EYS: variants seen among roughly 807,000 people sequenced by gnomAD.
EYS encodes EGF-like photoreceptor maintenance factor.
A neutral mutation model predicts 282.1 loss-of-function variants in EYS; 250 were observed. The ratio of observed to expected loss-of-function variants is 0.89; its 90% confidence interval spans 0.80 to 0.98. The LOEUF is 0.98. Ranked by LOEUF, EYS falls within the 50% of genes least tolerant of loss-of-function variation. The pLI, the probability that EYS is intolerant of heterozygous loss-of-function variation, is 0.00. For synonymous variants in EYS, 1,355 were observed against 1,282.9 expected (o/e 1.06, Z -1.20); for missense variants, 4,016 against 3,709.0 (o/e 1.08, Z -2.15).
At chr6:64,979,944 G>A (rs756756724) in intron 14 of EYS, among the ~76,000 whole-genome samples, 3 of 151,214 alleles carry the variant, frequency 2.0e-5, no homozygotes, top group Non-Finnish European at 4.4e-5. Flanking sequence ...CATTATTCTG[G>A]GATGTCACCA....
At chr6:65,444,075 G>A (rs1768557753) in intron 5 of EYS, among the ~76,000 whole-genome samples, 1 of 151,924 alleles carries the variant, frequency 6.6e-6, no homozygotes. Context: ...AAAGACTGCA[G>A]TTTTATTAGA....
intron 24 of EYS, among the ~76,000 whole-genome samples, chr6:64,606,859 A>G (rs1239697907): frequency 2.6e-5 from 4 of 152,076 alleles, no homozygotes; most frequent in Non-Finnish European, 4.4e-5. Context: ...TCATACAAGG[A>G]CACCATCTAA....
At chr6:63,863,630 A>G (rs1412528727) in intron 36 of EYS, among the ~76,000 whole-genome samples, 2 of 143,862 alleles carry the variant, frequency 1.4e-5, no homozygotes, top group Non-Finnish European at 3.0e-5. Context: ...GGGAAAACTC[A>G]TTACCACTTT....
chr6:63,842,110 C>T (rs1771976730), intron 36 of EYS, among the ~76,000 whole-genome samples: 1 of 152,136 alleles, frequency 6.6e-6, no homozygotes, highest in Non-Finnish European at 1.5e-5. Flanking sequence ...ATTTATCATC[C>T]TTTGGGTATA....
At chr6:65,676,402 T>C (rs1768598149) in intron 1 of EYS, among the ~76,000 whole-genome samples, 1 of 151,648 alleles carries the variant, frequency 6.6e-6, no homozygotes, top group South Asian at 2.1e-4. Context: ...GCCACAGAAA[T>C]TAAGATTATA....
intron 8 of EYS, among the ~76,000 whole-genome samples, chr6:65,372,134 T>G (rs995823534): frequency 6.6e-6 from 1 of 151,552 alleles, no homozygotes; most frequent in Non-Finnish European, 1.5e-5. Context: ...ATAGGAGATT[T>G]AAAAAAAATA....
chr6:65,292,632 A>G (rs1768557449), intron 12 of EYS, among the ~76,000 whole-genome samples: 1 of 151,778 alleles, frequency 6.6e-6, no homozygotes, highest in Admixed American at 6.6e-5. Flanking sequence ...AAATGAAATT[A>G]TAACCTGAAG....
intron 31 of EYS, among the ~76,000 whole-genome samples, chr6:64,165,664 G>T (rs1764267167): frequency 6.6e-6 from 1 of 152,094 alleles, no homozygotes. Context: ...GTATTGGCAA[G>T]GGACTTGAAC....
intron 29 of EYS, among the ~76,000 whole-genome samples, chr6:64,376,987 A>G (rs989939315): frequency 1.3e-5 from 2 of 152,130 alleles, no homozygotes; most frequent in Non-Finnish European, 2.9e-5. Flanking sequence ...GAATATTTTC[A>G]TTAATGCATA....
chr6:65,090,235 T>C (rs1774516862), intron 12 of EYS, among the ~76,000 whole-genome samples: 1 of 152,070 alleles, frequency 6.6e-6, no homozygotes. Context: ...CCCCTTGCAA[T>C]TGTCATGATA....
At chr6:65,498,808 G>A (rs1162612094) in intron 2 of EYS, among the ~76,000 whole-genome samples, 3 of 151,950 alleles carry the variant, frequency 2.0e-5, no homozygotes, top group Non-Finnish European at 4.4e-5. Flanking sequence ...CCAAAGGTAT[G>A]ATGTTATGTG....
intron 22 of EYS, among the ~76,000 whole-genome samples, chr6:64,691,479 C>G (rs79217447): frequency 0.029 from 4,343 of 152,228 alleles, 124 homozygotes; most frequent in East Asian, 0.14. Flanking sequence ...GCAACAGAAA[C>G]AGTTTGGAAA....
intron 15 of EYS, among the ~76,000 whole-genome samples, chr6:64,913,819 T>C (rs1768078982): frequency 1.3e-5 from 2 of 152,162 alleles, no homozygotes; most frequent in Admixed American, 1.3e-4. Context: ...TTTAGTTCTT[T>C]GAGAAATCTC....
intron 33 of EYS, among the ~76,000 whole-genome samples, chr6:64,005,155 TTCTGA>T (rs1428801787): frequency 6.6e-6 from 1 of 152,194 alleles, no homozygotes; most frequent in African/African-American, 2.4e-5. Context: ...ATAATAGCCA[TTCTGA>T]CTAGTGTGAG....
Position 64,591,169 on chromosome 6 carries a change from G to C in EYS, c.4698C>G (p.Ser1566=). The C allele has an allele frequency of 6.4e-7, 1 of 1,551,292 alleles. No individual in the cohort carries two copies. The highest frequency in any genetic ancestry group is 2.0e-5 in the Admixed American group (1 of 50,956). The change falls in exon 26 of 43, where the codon TCC becomes TCG. Residue 1566 remains serine (S), a synonymous_variant. Coordinates refer to ENST00000503581, the MANE Select transcript of EYS (RefSeq NM_001142800.2). The part of the protein sequence containing the change: ...CATCSMTEIK[S]SREFSDQVLH... ...AAACTTGATCTGAGAATTCACGAGA[G>C]GATTTTATTTCAGTCATAGAACATG...
At chr6:64,117,053 A>G (rs1773409096) in intron 31 of EYS, among the ~76,000 whole-genome samples, 1 of 152,102 alleles carries the variant, frequency 6.6e-6, no homozygotes, top group Non-Finnish European at 1.5e-5. Context: ...TTGAATTACA[A>G]TTTAGACCAA....
At chr6:64,158,206 T>G (rs1375755487) in intron 31 of EYS, among the ~76,000 whole-genome samples, 1 of 152,218 alleles carries the variant, frequency 6.6e-6, no homozygotes, top group Non-Finnish European at 1.5e-5. Context: ...TCTTTTCCAC[T>G]AGGATGTACA....
intron 1 of EYS, among the ~76,000 whole-genome samples, chr6:65,677,248 G>A (rs183624961): frequency 5.9e-5 from 9 of 151,458 alleles, no homozygotes; most frequent in Admixed American, 5.9e-4. Context: ...GAAATAAAAG[G>A]CAACCAAATC....
In EYS at chr6:64,524,210, AT is replaced by A. The variant is rs200892204; in HGVS notation, c.5644+66012del. ...CAAATATTCTTTGATATATAGATATATTTTTTTGCCATGATGATCTTAATTT... is the reference window on the plus strand; with the variant it reads ...CAAATATTCTTTGATATATAGATATATTTTTTGCCATGATGATCTTAATTT... On this transcript the variant is annotated intron_variant, in intron 26 of 42. Transcript: ENST00000503581. 1.0e-2 allele frequency among the ~76,000 whole-genome samples: 1,513 copies of A among 151,756 alleles called. 26 individuals carry two copies. The highest frequency in any genetic ancestry group is 0.034 in the African/African-American group (1,423 of 41,466).
Sources: gnomAD v4.1 joint callset for allele counts (sites outside exome capture counted in the v4.1 genomes callset) on GRCh38, gnomAD v4.1.1 for gene constraint, MANE v1.5 for transcripts, NCBI Gene and HGNC (gene_info 2026-07-23, HGNC 2026-07-21) for gene names.